The following ERAP1 variants were observed in gnomAD, a reference collection of about 807,000 sequenced individuals.
ERAP1 encodes the protein endoplasmic reticulum aminopeptidase 1, also known as adipocyte-derived leucine aminopeptidase.
ERAP1 carries 86 observed loss-of-function variants against 103.7 expected under a neutral mutation model. The observed-to-expected ratio is 0.83, with a 90% CI of 0.70 to 0.99. The LOEUF is 0.99. Ranked by LOEUF, ERAP1 falls within the 50% of genes least tolerant of loss-of-function variation. ERAP1 has a pLI of 0.00. For synonymous variants in ERAP1, 398 were observed against 402.4 expected, an observed-to-expected ratio of 0.99 and a Z score of 0.13; for missense variants, 1,009 against 1,128.4, an observed-to-expected ratio of 0.89 and a Z score of 1.52.
the ERAP1 span, among the ~76,000 whole-genome samples, chr5:96,878,440 A>G: frequency 1.3e-5 from 2 of 152,072 alleles, no homozygotes; most frequent in Non-Finnish European, 2.9e-5. Context: ...AATATAGAAT[A>G]TATATATAGA....
chr5:96,890,108 A>G, the ERAP1 span, among the ~76,000 whole-genome samples: 1 of 152,308 alleles, frequency 6.6e-6, no homozygotes, highest in South Asian at 2.1e-4. Context: ...GATGATACTC[A>G]TAGTCTATCT....
the ERAP1 span, among the ~76,000 whole-genome samples, chr5:96,854,163 T>C: frequency 7.2e-5 from 11 of 152,202 alleles, no homozygotes; most frequent in African/African-American, 2.7e-4. Flanking sequence ...AGTTTCCTTA[T>C]CTATAAAATA....
the ERAP1 span, among the ~76,000 whole-genome samples, chr5:96,907,480 A>G: frequency 2.6e-5 from 4 of 152,330 alleles, no homozygotes; most frequent in East Asian, 7.7e-4. Context: ...TGGCCCTGGA[A>G]TATCATTTCT....
chr5:96,869,256 G>A, the ERAP1 span, among the ~76,000 whole-genome samples: 9 of 152,036 alleles, frequency 5.9e-5, no homozygotes, highest in Non-Finnish European at 1.3e-4. Context: ...TGTACATCAT[G>A]GCCTGAAGGC....
chr5:96,840,964 A>G, the ERAP1 span, among the ~76,000 whole-genome samples: 1 of 152,114 alleles, frequency 6.6e-6, no homozygotes, highest in Non-Finnish European at 1.5e-5. Context: ...TCAGCCTCCC[A>G]AAGTGCTGGG....
downstream of ERAP1, chr5:96,774,163 T>G (rs1158497223): frequency 6.5e-6 from 1 of 153,830 alleles, no homozygotes; most frequent in African/African-American, 2.4e-5. Context: ...TTTGCTTTTT[T>G]GTTTTCTTTT....
Position 96,774,716 on chromosome 5 carries a change from ATAGT to A in ERAP1, c.*1676_*1679del, listed in dbSNP as rs1773734435. 8.1e-6 allele frequency: 8 copies of A among 983,112 alleles called. No individual in the cohort carries two copies. The Admixed American group carries it at 4.9e-4, about 60-fold the overall frequency. The allele number at this position is 983,112 out of a possible 1,614,324, so 60.9% of individuals were successfully genotyped here. ...TGTGTATTTTTTTAAAAGAAGGGAA[ATAGT>A]TTAGTTTGGGGTGGAAATTACCAGT... On this transcript the variant is annotated 3_prime_UTR_variant, in exon 19 of 19. Coordinates refer to ENST00000443439, the MANE Select transcript of ERAP1 (RefSeq NM_001040458.3).
At chr5:96,927,579 C>T in the ERAP1 span, among the ~76,000 whole-genome samples, 3 of 151,960 alleles carry the variant, frequency 2.0e-5, no homozygotes, top group East Asian at 1.9e-4. Flanking sequence ...CTCCGCCTCC[C>T]GGGTTCACGC....
At chr5:96,761,334 A>G (rs928102828) in exon 20 of ERAP1, 5 of 152,262 alleles carry the variant, frequency 3.3e-5, no homozygotes, top group African/African-American at 4.8e-5. Flanking sequence ...TCTCATAACT[A>G]AAAATGAATT....
the ERAP1 span, among the ~76,000 whole-genome samples, chr5:96,901,217 G>T: frequency 3.9e-5 from 6 of 151,982 alleles, no homozygotes; most frequent in African/African-American, 1.5e-4. Flanking sequence ...TTTTTGAAAG[G>T]GGTCAGGAAA....
At chr5:96,909,478 G>A in the ERAP1 span, 126 of 876,636 alleles carry the variant, frequency 1.4e-4, no homozygotes, top group African/African-American at 1.3e-4. Context: ...GGGAAAGATT[G>A]GGAAAGATGC....
chr5:96,861,914 A>G, the ERAP1 span, among the ~76,000 whole-genome samples: 1 of 152,194 alleles, frequency 6.6e-6, no homozygotes, highest in East Asian at 1.9e-4. Flanking sequence ...ATCAAAATAA[A>G]CTTGAAATTT....
the ERAP1 span, among the ~76,000 whole-genome samples, chr5:96,817,591 G>C: frequency 5.3e-5 from 8 of 152,248 alleles, no homozygotes; most frequent in African/African-American, 1.7e-4. Flanking sequence ...ATAATCATTG[G>C]GAAGGCTTAA....
At chr5:96,817,360 T>C in the ERAP1 span, among the ~76,000 whole-genome samples, 1 of 152,234 alleles carries the variant, frequency 6.6e-6, no homozygotes, top group Non-Finnish European at 1.5e-5. Context: ...ACTGTGATCA[T>C]CTAATTCACC....
rs377755816 is a variant in ERAP1, at chr5:96,781,752, A to C, written c.2388T>G (p.Thr796=). 63 of 1,614,066 alleles carry C rather than the reference A, an allele frequency of 3.9e-5. No homozygotes were observed. The highest frequency in any genetic ancestry group is 5.2e-5 in the Non-Finnish European group (61 of 1,180,036). ...GGGCAAATTCAATTTGGCTTTTCTC[A>C]GTACTGGACAAAGAAAACTGATATT... ...YSKYQFSLSS[T]EKSQIEFALC... The change falls in exon 16 of 19, where the codon ACT becomes ACG. Residue 796 remains threonine, a synonymous_variant. Coordinates refer to ENST00000443439, the MANE Select transcript of ERAP1 (RefSeq NM_001040458.3).
chr5:96,926,240 A>G, the ERAP1 span, among the ~76,000 whole-genome samples: 3 of 152,120 alleles, frequency 2.0e-5, no homozygotes, highest in African/African-American at 4.8e-5. Flanking sequence ...AAGCATTGTT[A>G]TTATGGTTTC....
At chr5:96,766,827 C>T (rs535333784) in intron 19 of ERAP1, among the ~76,000 whole-genome samples, 22 of 152,140 alleles carry the variant, frequency 1.4e-4, no homozygotes, top group Non-Finnish European at 2.6e-4. Flanking sequence ...AAATTACACC[C>T]TTCTCTTTCT....
At chr5:96,787,410 C>T (rs1325779804) in intron 11 of ERAP1, among the ~76,000 whole-genome samples, 1 of 152,088 alleles carries the variant, frequency 6.6e-6, no homozygotes, top group Non-Finnish European at 1.5e-5. Flanking sequence ...GGACTACAGG[C>T]GCCCGCCACC....
chr5:96,873,618 C>G, the ERAP1 span: 1 of 366,524 alleles, frequency 2.7e-6, no homozygotes, highest in Non-Finnish European at 5.5e-6. Context: ...CTTGGCTCAT[C>G]CAGAAGTGGA....
Sources: gnomAD v4.1 joint callset for allele counts (sites outside exome capture counted in the v4.1 genomes callset) on GRCh38, gnomAD v4.1.1 for gene constraint, MANE v1.5 for transcripts, NCBI Gene and HGNC (gene_info 2026-07-23, HGNC 2026-07-21) for gene names.